WDR17: variants seen among roughly 807,000 people sequenced by gnomAD.
The protein encoded by WDR17 is WD repeat-containing protein 17.
In WDR17, 143 loss-of-function variants were observed where a neutral mutation model predicts 161.7. The observed-to-expected ratio is 0.88, with a 90% CI of 0.77 to 1.02. WDR17 has a LOEUF of 1.02. WDR17 is among the 50% of genes least tolerant of loss of function. The pLI is 0.00. For synonymous variants in WDR17, 517 were observed against 515.6 expected (o/e 1.00, Z -0.04); for missense variants, 1,469 against 1,520.9 (o/e 0.97, Z 0.57).
At position 176,065,877 on chromosome 4, in the gene WDR17, A is replaced by G. The variant is rs971193612; in HGVS notation, c.-209A>G. The G allele has an allele frequency of 6.6e-6, 1 of 152,092 alleles. No homozygotes were observed. The highest frequency in any genetic ancestry group is 2.4e-5 in the African/African-American group (1 of 41,410). The allele number at this position is 152,092 out of a possible 1,614,324, so 9.4% of individuals were successfully genotyped here. ...GGAGATCGGGCTCGCGGCGCCTTCCATCGTGGCTCCGCGCTGGGGCTTGCG... is the reference window on the plus strand; with the variant it reads ...GGAGATCGGGCTCGCGGCGCCTTCCGTCGTGGCTCCGCGCTGGGGCTTGCG... On this transcript the variant is annotated 5_prime_UTR_variant, in exon 1 of 29. Coordinates refer to ENST00000508596, the MANE Select transcript of WDR17 (RefSeq NM_181265.4).
intron 1 of WDR17, among the ~76,000 whole-genome samples, chr4:176,071,422 A>G (rs1733230216): frequency 6.6e-6 from 1 of 151,546 alleles, no homozygotes; most frequent in South Asian, 2.1e-4. Context: ...TCCCGGATTC[A>G]AGCAATTCTC....
chr4:176,074,173 G>C (rs1263486894), intron 1 of WDR17, among the ~76,000 whole-genome samples: 2 of 151,340 alleles, frequency 1.3e-5, no homozygotes. Flanking sequence ...TGAAGTCCTT[G>C]CCCATGCCTA....
intron 1 of WDR17, among the ~76,000 whole-genome samples, chr4:176,109,223 T>C (rs931740595): frequency 5.3e-5 from 8 of 152,138 alleles, no homozygotes; most frequent in Non-Finnish European, 1.0e-4. Flanking sequence ...TAAATAGTAA[T>C]TTAATAGATC....
At chr4:176,110,599 TATG>T (rs1294180973) in intron 1 of WDR17, among the ~76,000 whole-genome samples, 1 of 152,210 alleles carries the variant, frequency 6.6e-6, no homozygotes, top group African/African-American at 2.4e-5. Flanking sequence ...ATGATTTTGT[TATG>T]ATGAGTTTTC....
Position 176,099,643 on chromosome 4 carries a change from A to G in WDR17, c.-6-11932A>G, listed in dbSNP as rs1579044301. Among the ~76,000 whole-genome samples the G allele has an allele frequency of 2.6e-5, 4 of 152,152 alleles. No individual in the cohort carries two copies. In the South Asian group the frequency reaches 8.3e-4, roughly 32 times the overall value. On this transcript the variant is annotated intron_variant, in intron 1 of 28. Transcript: ENST00000508596. ...GTACAAGTACAATTTTGTTACATGC[A>G]TAGATTGCACAGTGATCAAATCAGG...
At position 176,146,109 on chromosome 4, in the gene WDR17, T is replaced by G; in HGVS notation, c.1644T>G (p.Val548=). 1.2e-6 allele frequency: 2 copies of G among 1,614,092 alleles called. No homozygotes were observed. Among genetic ancestry groups the G allele is most frequent in the Non-Finnish European group, 1.7e-6 (2 of 1,179,972 alleles). ...GGCATACAGCAAAAGTGTTTCATGT[T>G]AAATGGTCTCCTCTGAGAGAGGGAA... The part of the protein sequence containing the change: ...FSGHTAKVFH[V]KWSPLREGIL... Residue 548 remains valine, a synonymous_variant, in exon 12 of 29, where the codon GTT becomes GTG. Coordinates refer to ENST00000508596, the MANE Select transcript of WDR17 (RefSeq NM_181265.4).
chr4:176,091,001 G>A (rs927662057), intron 1 of WDR17, among the ~76,000 whole-genome samples: 1 of 152,174 alleles, frequency 6.6e-6, no homozygotes, highest in Non-Finnish European at 1.5e-5. Context: ...GGTGGGCCAG[G>A]TGTTCCTTGC....
chr4:176,127,671 A>G (rs1279104939), intron 5 of WDR17, among the ~76,000 whole-genome samples: 1 of 152,210 alleles, frequency 6.6e-6, no homozygotes, highest in Non-Finnish European at 1.5e-5. Context: ...CACCATTTTT[A>G]AAGCATGCAG....
intron 23 of WDR17, 77 bp downstream of exon 23, chr4:176,168,860 A>C: frequency 6.7e-7 from 1 of 1,486,776 alleles, no homozygotes; most frequent in East Asian, 2.3e-5. Flanking sequence ...AAGCAAATAG[A>C]GATGCATGCA....
At chr4:176,117,203 G>T (rs976299110) in intron 3 of WDR17, among the ~76,000 whole-genome samples, 1 of 151,984 alleles carries the variant, frequency 6.6e-6, no homozygotes, top group Non-Finnish European at 1.5e-5. Flanking sequence ...TATATAAATT[G>T]TGATTGATGG....
chr4:176,125,202 G>A lies in WDR17; in HGVS notation c.637G>A (p.Asp213Asn). The A allele has an allele frequency of 6.2e-7, 1 of 1,614,158 alleles. No individual in the cohort carries two copies. Among genetic ancestry groups the A allele is most frequent in the Non-Finnish European group, 8.5e-7 (1 of 1,180,012 alleles). Reference sequence around the variant, plus strand: ...CTTGGAATGGGACCCACTATCTACTGATTATCTTCTAGTGGTTAATTTGCA... The same window carrying A: ...CTTGGAATGGGACCCACTATCTACTAATTATCTTCTAGTGGTTAATTTGCA... ...TALEWDPLST[D>N]YLLVVNLHYG... Residue 213 changes from aspartate to asparagine, a missense_variant, in exon 5 of 29, where the codon GAT (aspartate) becomes AAT (asparagine). Asp to Asn is a conservative substitution (Grantham distance 23, BLOSUM62 1). Coordinates refer to ENST00000508596, the MANE Select transcript of WDR17 (RefSeq NM_181265.4).
Position 176,137,580 on chromosome 4 carries a change from A to C in WDR17, c.1328A>C (p.Gln443Pro). Residue 443 changes from glutamine (Q) to proline (P), a missense_variant, in exon 9 of 29, where the codon CAA (glutamine) becomes CCA (proline). Coordinates refer to ENST00000508596, the MANE Select transcript of WDR17 (RefSeq NM_181265.4). Reference protein sequence around the residue: ...SRNGAFIWNVQKGKIIQRFNE... With the variant: ...SRNGAFIWNVPKGKIIQRFNE... ...AATGGTGCTTTTATTTGGAATGTTC[A>C]AAAGGGCAAAATTATACAACGATTT... 6.3e-7 allele frequency: 1 copy of C among 1,597,876 alleles called. No individual in the cohort carries two copies. Among genetic ancestry groups the C allele is most frequent in the East Asian group, 2.3e-5 (1 of 44,246 alleles).
rs1752052284 is a variant in WDR17, at chr4:176,180,488, C to G, written c.*909C>G. ...CTTTGGCAGGCCAAGGCAGGTGGAT[C>G]ACCTGAGGTCAGGAGTTCATGACCA... On this transcript the variant is annotated 3_prime_UTR_variant, in exon 29 of 29. Coordinates refer to ENST00000508596, the MANE Select transcript of WDR17 (RefSeq NM_181265.4). The G allele has an allele frequency of 6.6e-6, 1 of 152,230 alleles. No individual in the cohort carries two copies. The highest frequency in any genetic ancestry group is 2.1e-4 in the South Asian group (1 of 4,826). 9.4% of individuals were successfully genotyped at this position (152,230 alleles called of 1,614,324 possible).
chr4:176,070,211 T>A (rs906931130), intron 1 of WDR17, among the ~76,000 whole-genome samples: 1 of 152,230 alleles, frequency 6.6e-6, no homozygotes, highest in Non-Finnish European at 1.5e-5. Flanking sequence ...TACGTTTCGT[T>A]AACATTTATA....
intron 5 of WDR17, 37 bp downstream of exon 5, chr4:176,125,392 T>C (rs1742292786): frequency 1.9e-6 from 3 of 1,593,684 alleles, no homozygotes; most frequent in Non-Finnish European, 2.6e-6. Flanking sequence ...TTTAAATACG[T>C]GTATATATTC....
intron 12 of WDR17, 129 bp from the exon 13 acceptor site, chr4:176,148,004 T>G: frequency 1.6e-6 from 1 of 617,216 alleles, no homozygotes; most frequent in Non-Finnish European, 2.6e-6. Context: ...GAAGAGAACC[T>G]TATATCTTGA....
intron 1 of WDR17, among the ~76,000 whole-genome samples, chr4:176,088,171 C>CA (rs1735663082): frequency 1.3e-5 from 2 of 151,856 alleles, no homozygotes; most frequent in African/African-American, 4.8e-5. Context: ...TTATATATTC[C>CA]AATTATCTGG....
At chr4:176,148,610 A>G (rs1746577901) in intron 13 of WDR17, among the ~76,000 whole-genome samples, 1 of 152,142 alleles carries the variant, frequency 6.6e-6, no homozygotes, top group African/African-American at 2.4e-5. Flanking sequence ...GTACACACAA[A>G]CACACACACA....
chr4:176,169,198 A>C (rs555119371), intron 23 of WDR17, among the ~76,000 whole-genome samples: 1 of 152,206 alleles, frequency 6.6e-6, no homozygotes, highest in Non-Finnish European at 1.5e-5. Flanking sequence ...TAGACAACTT[A>C]GAATCCTTAA....
Sources: allele counts gnomAD v4.1 joint callset (sites outside exome capture counted in the v4.1 genomes callset), GRCh38; gene constraint gnomAD v4.1.1; transcripts MANE v1.5; gene names NCBI Gene and HGNC (gene_info 2026-07-23, HGNC 2026-07-21).